Variants in SLX4IP observed in about 807,000 individuals in gnomAD.
The protein encoded by SLX4IP is SLX4 interacting protein, also known as protein SLX4IP.
SLX4IP carries 34 observed loss-of-function variants against 32.9 expected under a neutral mutation model. The ratio of observed to expected loss-of-function variants is 1.03; its 90% CI spans 0.79 to 1.38. SLX4IP has a LOEUF of 1.38. Ranked by LOEUF, SLX4IP falls within the 40% of genes most tolerant of loss-of-function variation. The probability of loss-of-function intolerance (pLI) is 0.00; values close to 1 mark genes in which losing one functional copy is unlikely to be tolerated. For synonymous variants in SLX4IP, 172 were observed against 171.7 expected, an observed-to-expected ratio of 1.00 and a Z score of -0.01; for missense variants, 444 against 479.0, an observed-to-expected ratio of 0.93 and a Z score of 0.68.
At chr20:10,532,200 ATTT>A (rs1204667162) in intron 2 of SLX4IP, among the ~76,000 whole-genome samples, 6 of 152,162 alleles carry the variant, frequency 3.9e-5, no homozygotes, top group African/African-American at 1.4e-4. Flanking sequence ...TTTCATCTGT[ATTT>A]AATTTATTGA....
At chr20:10,484,078 A>T (rs7265483) in intron 2 of SLX4IP, among the ~76,000 whole-genome samples, 34,614 of 151,936 alleles carry the variant, frequency 0.23, 4,164 homozygotes, top group South Asian at 0.4. Context: ...ATTTACTCCT[A>T]TATTCAGATC....
chr20:10,593,613 G>C (rs2066737076), intron 4 of SLX4IP, among the ~76,000 whole-genome samples: 1 of 152,098 alleles, frequency 6.6e-6, no homozygotes, highest in Non-Finnish European at 1.5e-5. Flanking sequence ...GCATGCACCT[G>C]TGGTCCCAGC....
At chr20:10,614,234 C>G in intron 6 of SLX4IP, 1 of 627,368 alleles carries the variant, frequency 1.6e-6, no homozygotes, top group South Asian at 1.9e-5. Context: ...AACTCATGTA[C>G]ATAACCATGA....
chr20:10,509,071 C>T (rs2065783528), intron 2 of SLX4IP, among the ~76,000 whole-genome samples: 1 of 152,174 alleles, frequency 6.6e-6, no homozygotes, highest in Admixed American at 6.5e-5. Context: ...GTTAATCTCC[C>T]TCCTCCCACT....
intron 4 of SLX4IP, among the ~76,000 whole-genome samples, chr20:10,574,692 T>C (rs774215148): frequency 3.3e-5 from 5 of 152,156 alleles, no homozygotes; most frequent in Non-Finnish European, 7.4e-5. Flanking sequence ...AGACTTTTTT[T>C]CTGAGATGGA....
chr20:10,506,879 C>T (rs774881755), intron 2 of SLX4IP, among the ~76,000 whole-genome samples: 4 of 152,102 alleles, frequency 2.6e-5, no homozygotes, highest in South Asian at 2.1e-4. Flanking sequence ...TTTATTTTCC[C>T]GACTTTATTG....
At chr20:10,454,557 G>GCCTCAA (rs2065269841) in intron 1 of SLX4IP, among the ~76,000 whole-genome samples, 1 of 152,190 alleles carries the variant, frequency 6.6e-6, no homozygotes, top group Non-Finnish European at 1.5e-5. Context: ...AAAAGCAGTT[G>GCCTCAA]CCTGGCTGAG....
chr20:10,550,751 G>A (rs993617679), intron 2 of SLX4IP, among the ~76,000 whole-genome samples: 1 of 152,150 alleles, frequency 6.6e-6, no homozygotes, highest in Non-Finnish European at 1.5e-5. Context: ...CAAAGCACGC[G>A]AGCTCTTTCT....
intron 2 of SLX4IP, among the ~76,000 whole-genome samples, chr20:10,510,103 A>G (rs1000271609): frequency 2.0e-5 from 3 of 152,262 alleles, no homozygotes; most frequent in African/African-American, 7.2e-5. Flanking sequence ...ATGTTATAAT[A>G]TTAAGTCAAA....
chr20:10,552,048 G>T (rs987509826), intron 2 of SLX4IP, among the ~76,000 whole-genome samples: 6 of 152,236 alleles, frequency 3.9e-5, no homozygotes, highest in Non-Finnish European at 7.3e-5. Flanking sequence ...CAAGATGCGT[G>T]ACTGATTCTG....
At chr20:10,525,363 C>T (rs543315393) in intron 2 of SLX4IP, among the ~76,000 whole-genome samples, 5 of 152,230 alleles carry the variant, frequency 3.3e-5, no homozygotes, top group African/African-American at 7.2e-5. Context: ...TTTCTCTACA[C>T]GGAAATTTAG....
intron 2 of SLX4IP, among the ~76,000 whole-genome samples, chr20:10,547,370 G>C (rs1210472453): frequency 6.6e-6 from 1 of 152,106 alleles, no homozygotes; most frequent in East Asian, 1.9e-4. Context: ...ACACATCCTT[G>C]ACCTGTAGTC....
chr20:10,463,783 T>C (rs1158878985), intron 2 of SLX4IP, among the ~76,000 whole-genome samples: 1 of 152,148 alleles, frequency 6.6e-6, no homozygotes, highest in Non-Finnish European at 1.5e-5. Context: ...GCTCAACTTT[T>C]TGTTCTTCTT....
chr20:10,559,787 T>C (rs1328884940), intron 3 of SLX4IP, among the ~76,000 whole-genome samples: 4 of 152,226 alleles, frequency 2.6e-5, no homozygotes, highest in Non-Finnish European at 5.9e-5. Flanking sequence ...AAACCATGTG[T>C]TTCTGTCGCC....
At chr20:10,594,803 T>C (rs2066750783) in intron 4 of SLX4IP, among the ~76,000 whole-genome samples, 1 of 152,202 alleles carries the variant, frequency 6.6e-6, no homozygotes, top group Non-Finnish European at 1.5e-5. Flanking sequence ...AGTAGAGCCA[T>C]TTTGGAGCAG....
chr20:10,478,707 C>A (rs1240453243), intron 2 of SLX4IP, among the ~76,000 whole-genome samples: 1 of 152,142 alleles, frequency 6.6e-6, no homozygotes, highest in African/African-American at 2.4e-5. Context: ...TCTTTATTGT[C>A]CTTGCCCCTC....
intron 2 of SLX4IP, among the ~76,000 whole-genome samples, chr20:10,496,548 C>G (rs2065669269): frequency 6.6e-6 from 1 of 152,134 alleles, no homozygotes. Context: ...TTTGCTTTAT[C>G]ATCCCATAAC....
At chr20:10,576,320 T>C (rs1479250061) in intron 4 of SLX4IP, among the ~76,000 whole-genome samples, 1 of 152,198 alleles carries the variant, frequency 6.6e-6, no homozygotes, top group Admixed American at 6.5e-5. Flanking sequence ...GGTGCTTATT[T>C]GTGAAGCATT....
chr20:10,541,871 C>G (rs549395203), intron 2 of SLX4IP, among the ~76,000 whole-genome samples: 2 of 152,302 alleles, frequency 1.3e-5, no homozygotes, highest in South Asian at 4.1e-4. Flanking sequence ...AGAAACTTGG[C>G]CCTGGCTCTG....
Sources: gnomAD v4.1 joint callset for allele counts (sites outside exome capture counted in the v4.1 genomes callset) on GRCh38, gnomAD v4.1.1 for gene constraint, MANE v1.5 for transcripts, NCBI Gene and HGNC (gene_info 2026-07-23, HGNC 2026-07-21) for gene names.